The following SEL1L3 variants were observed in gnomAD, a reference collection of about 807,000 sequenced individuals.
SEL1L3 encodes the protein SEL1L family member 3, also known as protein sel-1 homolog 3.
A neutral mutation model predicts 142.8 loss-of-function variants in SEL1L3; 76 were observed. That is an observed-to-expected ratio of 0.53 (90% CI 0.44 to 0.64). SEL1L3 has a LOEUF of 0.64. Among genes scored for constraint, SEL1L3 ranks in the 30% least tolerant of loss-of-function variants. SEL1L3 has a pLI of 0.00. For missense variants in SEL1L3, 1,262 were observed against 1,381.7 expected (o/e 0.91, Z 1.37); for synonymous variants, 504 against 519.6 (o/e 0.97, Z 0.41).
chr4:25,800,969 G>C (rs1482031532), intron 11 of SEL1L3, among the ~76,000 whole-genome samples: 6 of 152,158 alleles, frequency 3.9e-5, no homozygotes. Context: ...TTTCTGCATT[G>C]AGGATTTCTG....
chr4:25,846,739 T>G (rs1716534673), intron 2 of SEL1L3, among the ~76,000 whole-genome samples: 1 of 151,746 alleles, frequency 6.6e-6, no homozygotes, highest in Non-Finnish European at 1.5e-5. Context: ...TGAAACCCCA[T>G]CTCTACTAAA....
At chr4:25,790,224 C>T (rs1213032833) in intron 12 of SEL1L3, among the ~76,000 whole-genome samples, 8 of 152,202 alleles carry the variant, frequency 5.3e-5, no homozygotes, top group Non-Finnish European at 7.3e-5. Context: ...TGGTAAGGCG[C>T]TATGGCCATG....
intron 5 of SEL1L3, 117 bp downstream of exon 5, chr4:25,832,878 T>C: frequency 1.6e-6 from 1 of 645,116 alleles, no homozygotes; most frequent in East Asian, 2.6e-5. Flanking sequence ...TTGTAACGAG[T>C]CTATCATTTA....
chr4:25,722,229 T>G, the SEL1L3 span, among the ~76,000 whole-genome samples: 2 of 152,192 alleles, frequency 1.3e-5, no homozygotes, highest in African/African-American at 4.8e-5. Flanking sequence ...AAAGTTTGTT[T>G]ATGCAGACTC....
intron 8 of SEL1L3, 67 bp from the exon 9 acceptor site, chr4:25,818,345 C>T: frequency 7.4e-7 from 1 of 1,355,000 alleles, no homozygotes; most frequent in South Asian, 1.6e-5. Flanking sequence ...CTCCCTAAAG[C>T]CCTTCTTCCT....
intron 13 of SEL1L3, among the ~76,000 whole-genome samples, chr4:25,785,382 T>C (rs950767479): frequency 6.6e-6 from 1 of 152,288 alleles, no homozygotes; most frequent in Non-Finnish European, 1.5e-5. Flanking sequence ...GGGGCAGAAT[T>C]TGAATCCAGA....
chr4:25,833,676 G>C (rs1329405611), intron 3 of SEL1L3, 107 bp from the exon 4 acceptor site: 7 of 1,036,576 alleles, frequency 6.8e-6, no homozygotes, highest in African/African-American at 1.6e-5. Flanking sequence ...ATGAATGGAT[G>C]AATTTGCCTT....
intron 11 of SEL1L3, among the ~76,000 whole-genome samples, chr4:25,791,334 G>A (rs1712321619): frequency 6.6e-6 from 1 of 152,220 alleles, no homozygotes; most frequent in African/African-American, 2.4e-5. Flanking sequence ...CTTTAAAGAA[G>A]AACCCAAAGG....
At chr4:25,854,262 G>C (rs115390309) in intron 1 of SEL1L3, among the ~76,000 whole-genome samples, 1 of 152,080 alleles carries the variant, frequency 6.6e-6, no homozygotes, top group Non-Finnish European at 1.5e-5. Flanking sequence ...TATAGTTTGC[G>C]AACTGCTTTT....
At chr4:25,724,602 G>T in the SEL1L3 span, among the ~76,000 whole-genome samples, 2 of 151,540 alleles carry the variant, frequency 1.3e-5, no homozygotes, top group Admixed American at 1.3e-4. Flanking sequence ...AACTGGGTGT[G>T]GTGGTGGGCA....
Position 25,802,248 on chromosome 4 carries a change from C to G in SEL1L3, c.1956+35G>C, listed in dbSNP as rs984799511. 6.3e-6 allele frequency: 10 copies of G among 1,583,222 alleles called. No homozygotes were observed. The Admixed American group carries it at 1.4e-4, about 22-fold the overall frequency. ...ACTTCATGAAAGCAGGTAAACAGGGCCATAACCATTCCCAACCTTTTTTCT... is the reference window on the plus strand; with the variant it reads ...ACTTCATGAAAGCAGGTAAACAGGGGCATAACCATTCCCAACCTTTTTTCT... On this transcript the variant is annotated intron_variant, in intron 11 of 23. Transcript: ENST00000399878.
intron 23 of SEL1L3, among the ~76,000 whole-genome samples, chr4:25,755,507 T>A (rs2109116211): frequency 6.6e-6 from 1 of 152,210 alleles, no homozygotes; most frequent in South Asian, 2.1e-4. Flanking sequence ...TTATGATTGA[T>A]CCTATCCAGA....
At chr4:25,790,605 GGGAAAGAA>G (rs1712229290) in intron 11 of SEL1L3, 31 bp from the exon 12 acceptor site, 4 of 1,096,426 alleles carry the variant, frequency 3.6e-6, no homozygotes, top group South Asian at 1.3e-5. Flanking sequence ...GAAGGAAGGA[GGGAAAGAA>G]GGAAGGAAGG....
At position 25,855,255 on chromosome 4, in the gene SEL1L3, T is replaced by C. The variant is rs114397212; in HGVS notation, c.163-7391A>G. On this transcript the variant is annotated intron_variant, in intron 1 of 23. Transcript: ENST00000399878. ...CTGCCAGGAAAATAAGGCAATTAAC[T>C]TGAAGAGTTCCAGCTACAGGCATGA... Among the ~76,000 whole-genome samples, 151 of 152,374 alleles carry C rather than the reference T, an allele frequency of 9.9e-4. 1 individual carries two copies. The highest frequency in any genetic ancestry group is 3.2e-3 in the African/African-American group (134 of 41,598).
chr4:25,734,515 C>T, the SEL1L3 span, among the ~76,000 whole-genome samples: 7 of 152,018 alleles, frequency 4.6e-5, no homozygotes, highest in East Asian at 1.2e-3. Context: ...TAGATCATAA[C>T]GTCTTCTTTT....
chr4:25,794,442 G>GA (rs1286493944), intron 11 of SEL1L3, among the ~76,000 whole-genome samples: 2 of 152,194 alleles, frequency 1.3e-5, no homozygotes, highest in African/African-American at 2.4e-5. Flanking sequence ...CAACATCCCT[G>GA]ATCATTAGAG....
chr4:25,840,731 A>G lies in SEL1L3; in HGVS notation c.734-5408T>C, dbSNP rs79771132. On this transcript the variant is annotated intron_variant, in intron 2 of 23. Coordinates refer to ENST00000399878, the MANE Select transcript of SEL1L3 (RefSeq NM_015187.5). ...TATACCTTGGAAAATAAACCACAGC[A>G]AGTGTGCTGCTAGTCCACATTTCCA... Among the ~76,000 whole-genome samples, 813 of 152,318 alleles carry G rather than the reference A, an allele frequency of 5.3e-3. 2 individuals carry two copies. The highest frequency in any genetic ancestry group is 0.012 in the Admixed American group (176 of 15,302).
chr4:25,825,022 G>T lies in SEL1L3; in HGVS notation c.1158-2894C>A, dbSNP rs143958876. ...AGCCCACAGCAAACGCTAATCTGCA[G>T]ATTTGTACTCAAAAGAAGGCCCTCT... On this transcript the variant is annotated intron_variant, in intron 6 of 23. Coordinates refer to ENST00000399878, the MANE Select transcript of SEL1L3 (RefSeq NM_015187.5). Among the ~76,000 whole-genome samples the T allele has an allele frequency of 2.7e-3, 405 of 152,202 alleles. 2 individuals are homozygous for T. The highest frequency in any genetic ancestry group is 9.0e-3 in the African/African-American group (375 of 41,502).
intron 23 of SEL1L3, chr4:25,756,914 A>G: frequency 7.8e-7 from 1 of 1,278,542 alleles, no homozygotes; most frequent in South Asian, 1.3e-5. Flanking sequence ...GAATTCTGAC[A>G]GATAAATTTT....
Sources: gnomAD v4.1 joint callset for allele counts (sites outside exome capture counted in the v4.1 genomes callset) on GRCh38, gnomAD v4.1.1 for gene constraint, MANE v1.5 for transcripts, NCBI Gene and HGNC (gene_info 2026-07-23, HGNC 2026-07-21) for gene names.